LIPI: variants seen among roughly 807,000 people sequenced by gnomAD.
LIPI encodes the protein lipase member I.
In LIPI, 59 loss-of-function variants were observed where a neutral mutation model predicts 50.6. The observed-to-expected ratio is 1.16, with a 90% CI of 0.94 to 1.45. The LOEUF (loss-of-function observed/expected upper bound fraction) is 1.45. Ranked by LOEUF, LIPI falls within the 40% of genes most tolerant of loss-of-function variation. The probability of loss-of-function intolerance (pLI) is 0.00; values close to 1 mark genes in which losing one functional copy is unlikely to be tolerated. For synonymous variants in LIPI, 203 were observed against 178.2 expected, an observed-to-expected ratio of 1.14 and a Z score of -1.11; for missense variants, 586 against 536.3, an observed-to-expected ratio of 1.09 and a Z score of -0.92.
At chr21:14,138,407 A>G (rs2123033743) in intron 9 of LIPI, among the ~76,000 whole-genome samples, 1 of 152,266 alleles carries the variant, frequency 6.6e-6, no homozygotes, top group South Asian at 2.1e-4. Flanking sequence ...GAACAGCATA[A>G]TATTTTTAAA....
intron 4 of LIPI, among the ~76,000 whole-genome samples, chr21:14,173,845 C>A (rs776501259): frequency 6.6e-6 from 1 of 151,658 alleles, no homozygotes; most frequent in Non-Finnish European, 1.5e-5. Context: ...ATGACAGGTC[C>A]CTAGAATTCA....
At chr21:14,147,855 G>T (rs1359515131) in intron 8 of LIPI, among the ~76,000 whole-genome samples, 4 of 151,970 alleles carry the variant, frequency 2.6e-5, no homozygotes, top group Non-Finnish European at 5.9e-5. Context: ...CCCTTACCCT[G>T]TTTTTTTGTT....
intron 6 of LIPI, among the ~76,000 whole-genome samples, chr21:14,164,812 G>A (rs968396141): frequency 2.0e-5 from 3 of 152,068 alleles, no homozygotes; most frequent in African/African-American, 7.2e-5. Flanking sequence ...CAAATGAGAA[G>A]CTAACCATGG....
chr21:14,108,966 C>G lies in LIPI; in HGVS notation c.*27G>C. ...ATTTACAAGTCCATTAATTCACAAG[C>G]AAGTGCATTTGATGGAAGAAGGCAT... On this transcript the variant is annotated 3_prime_UTR_variant, in exon 10 of 10. Transcript: ENST00000681601. 6.2e-7 allele frequency: 1 copy of G among 1,610,692 alleles called. No individual in the cohort carries two copies. The highest frequency in any genetic ancestry group is 8.5e-7 in the Non-Finnish European group (1 of 1,177,554).
intron 7 of LIPI, among the ~76,000 whole-genome samples, chr21:14,162,729 G>A (rs2018538677): frequency 1.3e-5 from 2 of 151,742 alleles, no homozygotes; most frequent in African/African-American, 2.4e-5. Context: ...GACTGTGACT[G>A]GAAGACATTA....
At chr21:14,197,358 G>C (rs557659173) in intron 1 of LIPI, among the ~76,000 whole-genome samples, 11 of 152,096 alleles carry the variant, frequency 7.2e-5, no homozygotes, top group Admixed American at 2.0e-4. Context: ...TGAAAAGTAG[G>C]AAGCTAAAAA....
At chr21:14,202,373 A>G (rs1165120683) in intron 1 of LIPI, among the ~76,000 whole-genome samples, 1 of 152,184 alleles carries the variant, frequency 6.6e-6, no homozygotes, top group African/African-American at 2.4e-5. Flanking sequence ...CCACATTGCC[A>G]AGTCAATCCT....
intron 7 of LIPI, among the ~76,000 whole-genome samples, chr21:14,158,598 T>C (rs1041976958): frequency 6.9e-6 from 1 of 145,272 alleles, no homozygotes; most frequent in Non-Finnish European, 1.5e-5. Context: ...ATTTTATATA[T>C]ATATTAAAAT....
At chr21:14,132,019 A>G (rs1481766877) in intron 9 of LIPI, among the ~76,000 whole-genome samples, 1 of 152,222 alleles carries the variant, frequency 6.6e-6, no homozygotes, top group African/African-American at 2.4e-5. Flanking sequence ...CAGTCGGGCA[A>G]AAAACAAGCA....
At chr21:14,207,796 A>G (rs535344872) in intron 1 of LIPI, among the ~76,000 whole-genome samples, 3 of 151,694 alleles carry the variant, frequency 2.0e-5, no homozygotes, top group Non-Finnish European at 4.4e-5. Flanking sequence ...ATGAACACGG[A>G]AAAAAACACA....
intron 9 of LIPI, among the ~76,000 whole-genome samples, chr21:14,141,024 G>A (rs2017687082): frequency 6.6e-6 from 1 of 152,128 alleles, no homozygotes; most frequent in South Asian, 2.1e-4. Context: ...AATATTTGCA[G>A]AATTCTCTTC....
chr21:14,167,979 C>A (rs9647107), intron 4 of LIPI, among the ~76,000 whole-genome samples: 74,789 of 151,976 alleles, frequency 0.49, 18,841 homozygotes, highest in East Asian at 0.64. Context: ...AAAATTTAGA[C>A]GAATGTATAA....
chr21:14,135,363 T>C (rs975704015), intron 9 of LIPI, among the ~76,000 whole-genome samples: 2 of 152,122 alleles, frequency 1.3e-5, no homozygotes, highest in Admixed American at 6.5e-5. Context: ...TGAGCACTCA[T>C]AGTACCTAGT....
intron 4 of LIPI, among the ~76,000 whole-genome samples, chr21:14,173,606 C>G (rs370290574): frequency 1.3e-5 from 2 of 152,190 alleles, no homozygotes; most frequent in Admixed American, 6.5e-5. Context: ...ACACAGTGAA[C>G]TCATGAAAGA....
At chr21:14,138,996 G>T (rs2017608733) in intron 9 of LIPI, among the ~76,000 whole-genome samples, 1 of 152,068 alleles carries the variant, frequency 6.6e-6, no homozygotes, top group South Asian at 2.1e-4. Context: ...ATATTTTCAA[G>T]GTAATAAAGC....
intron 4 of LIPI, among the ~76,000 whole-genome samples, chr21:14,172,925 T>A (rs1382067521): frequency 4.6e-5 from 7 of 152,144 alleles, no homozygotes; most frequent in Admixed American, 1.3e-4. Flanking sequence ...CAGTCGAAAA[T>A]ACTTTATAGT....
Position 14,189,182 on chromosome 21 carries a change from T to C in LIPI, c.284A>G (p.Asn95Ser), listed in dbSNP as rs1371254443. The change falls in exon 2 of 10, where the codon AAC (asparagine) becomes AGC (serine). Residue 95 changes from asparagine (N) to serine (S), a missense_variant. By Grantham distance (46) the Asn-to-Ser change is conservative. Coordinates refer to ENST00000681601, the MANE Select transcript of LIPI (RefSeq NM_001302998.2). ...PVGSIPLWLQNFVRILLNEED... is the reference protein window; with the variant it reads ...PVGSIPLWLQSFVRILLNEED... ...TTCATTCAGCAAAATCCTTACGAAG[T>C]TCTGAAGCCATAATGGGATGGAGCC... is the stretch of plus-strand genomic sequence containing the variant. 6.2e-7 allele frequency: 1 copy of C among 1,614,008 alleles called. No homozygotes were observed. The highest frequency in any genetic ancestry group is 1.3e-5 in the African/African-American group (1 of 74,934).
At chr21:14,151,238 C>A (rs779621295) in intron 8 of LIPI, among the ~76,000 whole-genome samples, 3 of 152,112 alleles carry the variant, frequency 2.0e-5, no homozygotes, top group Non-Finnish European at 4.4e-5. Context: ...TCAGATTTTA[C>A]CTGTGCTAAT....
chr21:14,172,479 A>G (rs1194000592), intron 4 of LIPI, among the ~76,000 whole-genome samples: 1 of 151,856 alleles, frequency 6.6e-6, no homozygotes, highest in Non-Finnish European at 1.5e-5. Flanking sequence ...ATGTCCAACA[A>G]TGATAGACTG....
Sources: gnomAD v4.1 joint callset for allele counts (sites outside exome capture counted in the v4.1 genomes callset) on GRCh38, gnomAD v4.1.1 for gene constraint, MANE v1.5 for transcripts, NCBI Gene and HGNC (gene_info 2026-07-23, HGNC 2026-07-21) for gene names.